The following GLMN variants were observed in gnomAD, a reference collection of about 807,000 sequenced individuals.
GLMN encodes glomulin, FKBP associated protein.
In GLMN, 75 loss-of-function variants were observed where a neutral mutation model predicts 87.8. The ratio of observed to expected loss-of-function variants is 0.85; its 90% confidence interval spans 0.71 to 1.04. GLMN has a LOEUF of 1.04. Among genes scored for constraint, GLMN ranks in the 50% least tolerant of loss-of-function variants. The probability of loss-of-function intolerance (pLI) is 0.00; values close to 1 mark genes in which losing one functional copy is unlikely to be tolerated. For synonymous variants in GLMN, 206 were observed against 221.6 expected (o/e 0.93, Z 0.63); for missense variants, 588 against 658.8 (o/e 0.89, Z 1.18).
chr1:92,259,420 G>A (rs1479782113), intron 16 of GLMN, among the ~76,000 whole-genome samples: 1 of 152,128 alleles, frequency 6.6e-6, no homozygotes, highest in Non-Finnish European at 1.5e-5. Context: ...GATACAAGAG[G>A]CATGAAATAG....
the GLMN span, among the ~76,000 whole-genome samples, chr1:92,312,599 C>T: frequency 3.3e-5 from 5 of 152,238 alleles, no homozygotes; most frequent in East Asian, 9.7e-4. Flanking sequence ...AGCTGTATAT[C>T]CGTTCAAGTT....
chr1:92,278,094 T>C (rs558416262), intron 7 of GLMN, among the ~76,000 whole-genome samples: 2 of 152,298 alleles, frequency 1.3e-5, no homozygotes, highest in South Asian at 4.1e-4. Context: ...GCTTGCTTGC[T>C]TGCCGTGAAG....
At chr1:92,312,620 A>G in the GLMN span, among the ~76,000 whole-genome samples, 1 of 152,114 alleles carries the variant, frequency 6.6e-6, no homozygotes. Flanking sequence ...GGATTATGAG[A>G]TTGATGCAAT....
At chr1:92,248,557 A>G (rs1652998355) in intron 16 of GLMN, 1 of 152,162 alleles carries the variant, frequency 6.6e-6, no homozygotes, top group South Asian at 2.1e-4. Context: ...AATGGAGAGG[A>G]CTCATGAAGT....
intron 3 of GLMN, among the ~76,000 whole-genome samples, chr1:92,293,003 CAG>C (rs960657651): frequency 4.0e-4 from 61 of 151,836 alleles, no homozygotes; most frequent in African/African-American, 1.4e-3. Context: ...GCCTGGGTGA[CAG>C]AGACAGACCC....
the GLMN span, among the ~76,000 whole-genome samples, chr1:92,361,205 G>A: frequency 1.3e-5 from 2 of 151,632 alleles, no homozygotes; most frequent in African/African-American, 4.8e-5. Flanking sequence ...ATCCAATATT[G>A]TGTTTGGACA....
rs202226890 is a variant in GLMN at position 92,246,619 on chromosome 1, C to T, written c.1696G>A (p.Asp566Asn). The T allele has an allele frequency of 6.3e-7, 1 of 1,592,994 alleles. No individual in the cohort carries two copies. The highest frequency in any genetic ancestry group is 1.7e-5 in the Admixed American group (1 of 59,936). The stretch of plus-strand genomic sequence containing the variant: ...CGAGCTAGAACACTTTCAATCAAAT[C>T]AAATGTGAAAAGAGCTGAATGCAGG... ...KVLHSALFTF[D>N]LIESVLARVE... The change falls in exon 19 of 19, where the codon GAT becomes AAT. Residue 566 changes from aspartate to asparagine, a missense_variant. By Grantham distance (23) the Asp-to-Asn change is conservative. Coordinates refer to ENST00000370360, the MANE Select transcript of GLMN (RefSeq NM_053274.3).
chr1:92,330,354 G>C, the GLMN span, among the ~76,000 whole-genome samples: 10 of 150,632 alleles, frequency 6.6e-5, no homozygotes, highest in Admixed American at 6.6e-4. Flanking sequence ...GGAAGAATGT[G>C]TCTAAAATTA....
the GLMN span, among the ~76,000 whole-genome samples, chr1:92,321,982 A>G: frequency 5.2e-4 from 70 of 135,250 alleles, no homozygotes; most frequent in African/African-American, 1.9e-3. Flanking sequence ...GTCTCACTCT[A>G]TCACCCAGGC....
At chr1:92,307,745 G>C in the GLMN span, among the ~76,000 whole-genome samples, 1 of 148,724 alleles carries the variant, frequency 6.7e-6, no homozygotes, top group African/African-American at 2.5e-5. Flanking sequence ...TTTGTAAAAA[G>C]AGTTTATGGG....
the GLMN span, chr1:92,333,150 TAATA>T: frequency 2.2e-6 from 1 of 447,934 alleles, no homozygotes; most frequent in South Asian, 4.4e-5. Flanking sequence ...AAGGAGGTAT[TAATA>T]TCCCAATTAT....
chr1:92,337,801 A>G, the GLMN span, among the ~76,000 whole-genome samples: 5 of 152,132 alleles, frequency 3.3e-5, no homozygotes, highest in Non-Finnish European at 5.9e-5. Context: ...ATTCATCGTC[A>G]ATTCCCCAAC....
chr1:92,246,530 TCAC>T lies in GLMN; in HGVS notation c.1782_1784del (p.Ter595delextTer8). ...AGTTTTTATTTAGGAAATGGAACTT[TCAC>T]TTTATCCCAATATTTTCTTCAGAGG... On this transcript the variant is annotated stop_lost and inframe_deletion, in exon 19 of 19. Coordinates refer to ENST00000370360, the MANE Select transcript of GLMN (RefSeq NM_053274.3). 1 of 1,231,376 alleles carries T rather than the reference TCAC, an allele frequency of 8.1e-7. No individual in the cohort carries two copies. The highest frequency in any genetic ancestry group is 1.2e-6 in the Non-Finnish European group (1 of 831,170). 76.3% of individuals were successfully genotyped at this position (1,231,376 alleles called of 1,614,324 possible).
chr1:92,353,737 ATAAT>A, the GLMN span, among the ~76,000 whole-genome samples: 1 of 152,166 alleles, frequency 6.6e-6, no homozygotes, highest in Admixed American at 6.6e-5. Flanking sequence ...GGATTAAGCA[ATAAT>A]TAGATTATTT....
chr1:92,298,103 A>T (rs1386387599), intron 1 of GLMN, 74 bp from the exon 2 acceptor site: 4 of 733,768 alleles, frequency 5.5e-6, no homozygotes, highest in African/African-American at 5.3e-5. Context: ...TTTCAGTGTG[A>T]TAAATTATTA....
chr1:92,274,539 T>C (rs963473816), intron 7 of GLMN, among the ~76,000 whole-genome samples: 14 of 152,202 alleles, frequency 9.2e-5, no homozygotes, highest in African/African-American at 3.4e-4. Context: ...ATTCCTGCTA[T>C]GATCCTGGGA....
chr1:92,248,000 TGAAA>T lies in GLMN; in HGVS notation c.1474-15_1474-12del, dbSNP rs535813981. 2.0e-3 allele frequency: 2,018 copies of T among 1,015,914 alleles called. 16 individuals are homozygous for T. The Middle Eastern group carries it at 0.024, about 12-fold the overall frequency. The allele number at this position is 1,015,914 out of a possible 1,614,324, so 62.9% of individuals were successfully genotyped here. ...TGTCCATAATCCAGTCTGTTAAGAA[TGAAA>T]GAATGAGTTATTTAGTTCAACAATG... On this transcript the variant is annotated splice_polypyrimidine_tract_variant and intron_variant, in intron 16 of 18. Transcript: ENST00000370360.
chr1:92,360,376 A>G, the GLMN span, among the ~76,000 whole-genome samples: 1 of 152,188 alleles, frequency 6.6e-6, no homozygotes, highest in African/African-American at 2.4e-5. Flanking sequence ...ATAGTATTAC[A>G]TATGGTGTTG....
At chr1:92,287,165 T>C (rs1171888853) in intron 6 of GLMN, among the ~76,000 whole-genome samples, 1 of 152,208 alleles carries the variant, frequency 6.6e-6, no homozygotes, top group East Asian at 1.9e-4. Context: ...GTTTGAGGGC[T>C]GGTGCTAGTC....
Sources: gnomAD v4.1 joint callset for allele counts (sites outside exome capture counted in the v4.1 genomes callset) on GRCh38, gnomAD v4.1.1 for gene constraint, MANE v1.5 for transcripts, NCBI Gene and HGNC (gene_info 2026-07-23, HGNC 2026-07-21) for gene names.